Variants in SGCG observed in about 807,000 individuals in gnomAD.
The protein encoded by SGCG is sarcoglycan gamma.
Under a neutral mutation model 29.3 loss-of-function variants are expected in SGCG, and 26 were observed. The ratio of observed to expected loss-of-function variants is 0.89; its 90% CI spans 0.65 to 1.23. SGCG has a LOEUF of 1.23. SGCG is among the 50% of genes most tolerant of loss of function. The probability of loss-of-function intolerance (pLI) is 0.00; values close to 1 mark genes in which losing one functional copy is unlikely to be tolerated. For synonymous variants in SGCG, 145 were observed against 129.7 expected, an observed-to-expected ratio of 1.12 and a Z score of -0.80; for missense variants, 353 against 356.0, an observed-to-expected ratio of 0.99 and a Z score of 0.07.
chr13:23,216,076 T>C (rs1440651250), intron 2 of SGCG, among the ~76,000 whole-genome samples: 1 of 152,178 alleles, frequency 6.6e-6, no homozygotes, highest in Non-Finnish European at 1.5e-5. Flanking sequence ...AATCTCTCCA[T>C]GACAGAATTA....
intron 2 of SGCG, among the ~76,000 whole-genome samples, chr13:23,221,947 C>G (rs1878671492): frequency 6.6e-6 from 1 of 152,136 alleles, no homozygotes. Context: ...AGGGAAATAA[C>G]TTGTTCGATT....
chr13:23,203,351 T>A (rs1435245569), intron 1 of SGCG, among the ~76,000 whole-genome samples: 1 of 152,216 alleles, frequency 6.6e-6, no homozygotes, highest in African/African-American at 2.4e-5. Flanking sequence ...TAGGTTAATG[T>A]TTCAATTCCA....
At chr13:23,324,335 T>A (rs770654538) in intron 7 of SGCG, 33 bp from the exon 8 acceptor site, 1 of 1,611,994 alleles carries the variant, frequency 6.2e-7, no homozygotes. Flanking sequence ...TGGCCCTTCC[T>A]TAACTCTTCG....
At position 23,250,724 on chromosome 13, in the gene SGCG, C is replaced by T; in HGVS notation, c.385+7C>T. On this transcript the variant is annotated splice_region_variant and intron_variant, in intron 4 of 7. Coordinates refer to ENST00000218867, the MANE Select transcript of SGCG (RefSeq NM_000231.3). ...ACAGGCAGGTTAAAAGTCGGTGAGT[C>T]CAGCTTCATCATGGTGCTTTGCATG... 6.5e-7 allele frequency: 1 copy of T among 1,543,722 alleles called. No individual in the cohort carries two copies. Among genetic ancestry groups the T allele is most frequent in the Non-Finnish European group, 9.0e-7 (1 of 1,116,044 alleles).
intron 6 of SGCG, among the ~76,000 whole-genome samples, chr13:23,309,747 G>T (rs994783141): frequency 6.6e-6 from 1 of 152,138 alleles, no homozygotes; most frequent in Admixed American, 6.5e-5. Context: ...GCAATCAAAG[G>T]TTTGGTGTAA....
chr13:23,169,356 A>G, the SGCG span, among the ~76,000 whole-genome samples: 1 of 151,250 alleles, frequency 6.6e-6, no homozygotes, highest in South Asian at 2.1e-4. Flanking sequence ...TCCATTTGTC[A>G]GGAACTAACA....
the SGCG span, chr13:23,170,618 A>T: frequency 6.7e-6 from 1 of 149,326 alleles, no homozygotes; most frequent in East Asian, 2.0e-4. Context: ...CCCAGCCTCA[A>T]CGTTAATTGT....
intron 5 of SGCG, among the ~76,000 whole-genome samples, chr13:23,291,437 T>C (rs1157470961): frequency 4.6e-5 from 7 of 152,184 alleles, no homozygotes; most frequent in African/African-American, 1.2e-4. Flanking sequence ...GCAATTAAAT[T>C]GAAGATCAAC....
Position 23,324,377 on chromosome 13 carries a change from G to C in SGCG, c.712G>C (p.Asp238His). The C allele has an allele frequency of 1.2e-6, 2 of 1,614,172 alleles. No homozygotes were observed. Among genetic ancestry groups the C allele is most frequent in the African/African-American group, 2.7e-5 (2 of 75,062 alleles). ...FHSSDGMLVL[D>H]AETVCLPKLV... ...ATCTTCTCCCAACCAGCTTGTGCTTGATGCTGAAACTGTGTGCTTACCCAA... is the reference window on the plus strand; with the variant it reads ...ATCTTCTCCCAACCAGCTTGTGCTTCATGCTGAAACTGTGTGCTTACCCAA... The change falls in exon 8 of 8, where the codon GAT becomes CAT. Residue 238 changes from aspartate (D) to histidine (H), a missense_variant. Asp to His is a moderately conservative substitution (Grantham distance 81, BLOSUM62 -1). Transcript: ENST00000218867.
At chr13:23,270,076 G>T (rs1167435500) in intron 4 of SGCG, among the ~76,000 whole-genome samples, 1 of 151,846 alleles carries the variant, frequency 6.6e-6, no homozygotes, top group Non-Finnish European at 1.5e-5. Flanking sequence ...GGGTTTCACC[G>T]TGTTAGCCAG....
chr13:23,161,651 G>A, the SGCG span, among the ~76,000 whole-genome samples: 4 of 152,272 alleles, frequency 2.6e-5, no homozygotes, highest in African/African-American at 4.8e-5. Context: ...TTTTGTTGAC[G>A]TAATCTTTTG....
chr13:23,296,156 A>G lies in SGCG; in HGVS notation c.578+669A>G, dbSNP rs544876959. On this transcript the variant is annotated intron_variant, in intron 6 of 7. Transcript: ENST00000218867. Reference sequence around the variant, plus strand: ...TTTTTTACAATTCTTAACACAAAGCATGTGCATATATATATTACATTATCC... The same window carrying G: ...TTTTTTACAATTCTTAACACAAAGCGTGTGCATATATATATTACATTATCC... 2.6e-5 allele frequency among the ~76,000 whole-genome samples: 4 copies of G among 152,364 alleles called. No individual in the cohort carries two copies. The East Asian group carries it at 7.7e-4, about 29-fold the overall frequency.
chr13:23,235,441 A>G (rs2137546130), intron 3 of SGCG, among the ~76,000 whole-genome samples: 1 of 152,322 alleles, frequency 6.6e-6, no homozygotes, highest in South Asian at 2.1e-4. Context: ...TACTAATTAC[A>G]GATTATGATC....
intron 4 of SGCG, among the ~76,000 whole-genome samples, chr13:23,272,150 A>T (rs1422781713): frequency 2.6e-5 from 4 of 152,214 alleles, no homozygotes; most frequent in African/African-American, 4.8e-5. Context: ...ATTTTACTTT[A>T]TAAATAAGTT....
At chr13:23,276,431 C>CTTTTTTTTTTTTTTTTTCTTTTTTT (rs1881071102) in intron 4 of SGCG, among the ~76,000 whole-genome samples, 1 of 102,336 alleles carries the variant, frequency 9.8e-6, no homozygotes, top group Non-Finnish European at 1.9e-5. Context: ...TTTTAGTTTT[C>CTTTTTTTTTTTTTTTTTCTTTTTTT]TTTTTTTTTT....
At chr13:23,167,814 C>A in the SGCG span, among the ~76,000 whole-genome samples, 1 of 151,828 alleles carries the variant, frequency 6.6e-6, no homozygotes, top group Non-Finnish European at 1.5e-5. Flanking sequence ...TCACTGCAAT[C>A]TCTGCCTCCT....
rs34460964 is a variant in SGCG, at chr13:23,198,845, C to CAAA, written c.1-4834_1-4832dup. Among the ~76,000 whole-genome samples, 30 of 111,484 alleles carry CAAA rather than the reference C, an allele frequency of 2.7e-4. 2 individuals carry two copies. The East Asian group carries it at 5.0e-3, about 19-fold the overall frequency. 73.1% of individuals were successfully genotyped at this position (111,484 alleles called of 152,430 possible). On this transcript the variant is annotated intron_variant, in intron 1 of 7. Transcript: ENST00000218867. ...TGGGCAACAAAGCGAGACTCCATCT[C>CAAA]AAAAAAAAAAAAAAAAAATTTGGGA...
chr13:23,257,394 A>C (rs1356911713), intron 4 of SGCG, among the ~76,000 whole-genome samples: 1 of 152,022 alleles, frequency 6.6e-6, no homozygotes, highest in African/African-American at 2.4e-5. Context: ...ATCTCCCCTA[A>C]TGCTATCCCT....
intron 3 of SGCG, among the ~76,000 whole-genome samples, chr13:23,248,068 A>C (rs1450795240): frequency 6.6e-6 from 1 of 151,252 alleles, no homozygotes; most frequent in Non-Finnish European, 1.5e-5. Context: ...TGAGCCCAGG[A>C]GTTTGAGACC....
Sources: gnomAD v4.1 joint callset for allele counts (sites outside exome capture counted in the v4.1 genomes callset) on GRCh38, gnomAD v4.1.1 for gene constraint, MANE v1.5 for transcripts, NCBI Gene and HGNC (gene_info 2026-07-23, HGNC 2026-07-21) for gene names.